The following DPH6 variants were observed in gnomAD, a reference collection of about 807,000 sequenced individuals.
The protein encoded by DPH6 is diphthine--ammonia ligase.
A neutral mutation model predicts 38.2 loss-of-function variants in DPH6; 33 were observed. The observed-to-expected ratio is 0.86, with a 90% CI of 0.65 to 1.15. The LOEUF (loss-of-function observed/expected upper bound fraction) is 1.15, where lower values mean the gene tolerates loss of function less well. Ranked by LOEUF, DPH6 falls within the 50% of genes most tolerant of loss-of-function variation. The pLI, the probability that DPH6 is intolerant of heterozygous loss-of-function variation, is 0.00. For synonymous variants in DPH6, 108 were observed against 103.0 expected (o/e 1.05, Z -0.30); for missense variants, 325 against 320.0 (o/e 1.02, Z -0.12).
At chr15:35,488,982 G>GA (rs112457181) in intron 3 of DPH6, among the ~76,000 whole-genome samples, 2,081 of 146,412 alleles carry the variant, frequency 0.014, 42 homozygotes, top group African/African-American at 0.049. Flanking sequence ...TTTTTGCCAG[G>GA]AAAAAAAAAA....
intron 2 of DPH6, among the ~76,000 whole-genome samples, chr15:35,539,084 T>C (rs1414018962): frequency 6.6e-6 from 1 of 151,972 alleles, no homozygotes; most frequent in Non-Finnish European, 1.5e-5. Flanking sequence ...TAATCAGTGG[T>C]TGTCACAAGA....
In DPH6 at chr15:35,243,474, GAAGT is replaced by G. The variant is rs1161130321; in HGVS notation, n.201-22896_201-22893del. On this transcript the variant is annotated intron_variant and non_coding_transcript_variant, in intron 3 of 3. Transcript: ENST00000560386. ...TTGCACGTATATGCCCAGATGGCCT[GAAGT>G]AACTGAAGAATCACAAAAGAAGTGA... Among the ~76,000 whole-genome samples the G allele has an allele frequency of 1.7e-4, 24 of 143,688 alleles. 3 individuals carry two copies. The East Asian group carries it at 4.6e-3, about 27-fold the overall frequency. 94.3% of individuals were successfully genotyped at this position (143,688 alleles called of 152,430 possible). A position where few individuals can be genotyped will look rare whatever the true frequency, so the allele number is the denominator to read the frequency against.
intron 7 of DPH6, among the ~76,000 whole-genome samples, chr15:35,380,258 A>C (rs1678298935): frequency 6.6e-6 from 1 of 152,234 alleles, no homozygotes; most frequent in South Asian, 2.1e-4. Flanking sequence ...AGAGGGTTCT[A>C]ACCACCTTCC....
chr15:35,378,478 T>G (rs1392238418), intron 7 of DPH6, among the ~76,000 whole-genome samples: 3 of 152,166 alleles, frequency 2.0e-5, no homozygotes, highest in African/African-American at 7.2e-5. Flanking sequence ...CATTACTAAG[T>G]ATATACCCAA....
chr15:35,528,665 T>C (rs1249676652), intron 3 of DPH6, among the ~76,000 whole-genome samples: 1 of 152,196 alleles, frequency 6.6e-6, no homozygotes, highest in Non-Finnish European at 1.5e-5. Context: ...TAGTTCACCC[T>C]GATGACCACA....
intron 3 of DPH6, among the ~76,000 whole-genome samples, chr15:35,343,088 T>C (rs559326791): frequency 4.2e-4 from 64 of 152,288 alleles, no homozygotes; most frequent in Admixed American, 1.4e-3. Flanking sequence ...TAGAATACCA[T>C]TGTCACACTT....
At chr15:35,369,251 T>C (rs1194173300), downstream of DPH6, among the ~76,000 whole-genome samples, 2 of 151,832 alleles carry the variant, frequency 1.3e-5, no homozygotes, top group African/African-American at 4.8e-5. Context: ...AAATGTGTTA[T>C]AAAGCAAATG....
chr15:35,348,519 A>C (rs2052481494), intron 3 of DPH6, among the ~76,000 whole-genome samples: 1 of 152,154 alleles, frequency 6.6e-6, no homozygotes, highest in Non-Finnish European at 1.5e-5. Flanking sequence ...TTTTTATGTT[A>C]GTATCATACC....
the DPH6 span, among the ~76,000 whole-genome samples, chr15:35,147,297 G>A: frequency 1.3e-5 from 2 of 152,090 alleles, no homozygotes; most frequent in African/African-American, 2.4e-5. Context: ...CTTACCTTCC[G>A]ACGCCTTTCT....
Position 35,454,837 on chromosome 15 carries a change from AAACCATAACTTTAAAAAT to A in DPH6, c.313-35_313-18del. On this transcript the variant is annotated intron_variant, in intron 3 of 8. Coordinates refer to ENST00000256538, the MANE Select transcript of DPH6 (RefSeq NM_080650.4). Reference sequence around the variant, plus strand: ...TTCTTTTTCCTGAAAATAAAGAAAAAAACCATAACTTTAAAAATAAAGTAACAAATGGCTCCACATCAT... The same window carrying A: ...TTCTTTTTCCTGAAAATAAAGAAAAAAAAGTAACAAATGGCTCCACATCAT... 1 of 1,571,910 alleles carries A rather than the reference AAACCATAACTTTAAAAAT, an allele frequency of 6.4e-7. No individual in the cohort carries two copies. The highest frequency in any genetic ancestry group is 8.7e-7 in the Non-Finnish European group (1 of 1,155,752).
chr15:35,420,056 C>T (rs1484674251), intron 5 of DPH6, among the ~76,000 whole-genome samples: 1 of 152,046 alleles, frequency 6.6e-6, no homozygotes, highest in Non-Finnish European at 1.5e-5. Flanking sequence ...AGTCTTAACA[C>T]ATTTAAGGTT....
At chr15:35,401,960 T>G (rs1233236975) in intron 6 of DPH6, among the ~76,000 whole-genome samples, 1 of 152,172 alleles carries the variant, frequency 6.6e-6, no homozygotes, top group Non-Finnish European at 1.5e-5. Flanking sequence ...TTGTGATGAG[T>G]TTTATAACAG....
At chr15:35,494,177 T>C (rs1259118530) in intron 3 of DPH6, among the ~76,000 whole-genome samples, 3 of 152,136 alleles carry the variant, frequency 2.0e-5, no homozygotes, top group Non-Finnish European at 4.4e-5. Flanking sequence ...AATATTTTAA[T>C]TGCTTAAAAA....
chr15:35,174,983 CCT>C, the DPH6 span, among the ~76,000 whole-genome samples: 1 of 152,154 alleles, frequency 6.6e-6, no homozygotes, highest in African/African-American at 2.4e-5. Context: ...ATGTTTTCAT[CCT>C]CTTAGATACT....
chr15:35,307,709 ATGTGT>A (rs376540834), intron 3 of DPH6, among the ~76,000 whole-genome samples: 35 of 152,282 alleles, frequency 2.3e-4, no homozygotes, highest in African/African-American at 8.4e-4. Context: ...TTCAGAAAAA[ATGTGT>A]TGTGCATGTG....
chr15:35,156,617 A>T, the DPH6 span, among the ~76,000 whole-genome samples: 13 of 152,086 alleles, frequency 8.5e-5, no homozygotes, highest in Non-Finnish European at 1.3e-4. Flanking sequence ...GAGAATGCAA[A>T]TTCATTCTGG....
At chr15:35,207,368 C>T in the DPH6 span, among the ~76,000 whole-genome samples, 4 of 152,096 alleles carry the variant, frequency 2.6e-5, no homozygotes, top group African/African-American at 4.8e-5. Context: ...AAACAACCAA[C>T]ATTATGATCC....
intron 7 of DPH6, among the ~76,000 whole-genome samples, chr15:35,377,822 T>A (rs2058117809): frequency 6.6e-6 from 1 of 152,108 alleles, no homozygotes; most frequent in Non-Finnish European, 1.5e-5. Context: ...GCAAAAGGTA[T>A]CTCATAATAA....
At chr15:35,200,047 A>G in the DPH6 span, among the ~76,000 whole-genome samples, 2 of 152,050 alleles carry the variant, frequency 1.3e-5, no homozygotes, top group Admixed American at 6.6e-5. Context: ...GCTTCCTCCA[A>G]AAAAATAAGA....
Sources: gnomAD v4.1 joint callset for allele counts (sites outside exome capture counted in the v4.1 genomes callset) on GRCh38, gnomAD v4.1.1 for gene constraint, MANE v1.5 for transcripts, NCBI Gene and HGNC (gene_info 2026-07-23, HGNC 2026-07-21) for gene names.